The following SLIT1 variants were observed in gnomAD, a reference collection of about 807,000 sequenced individuals.
SLIT1 encodes slit guidance ligand 1, also known as slit homolog 1 protein.
Under a neutral mutation model 186.1 loss-of-function variants are expected in SLIT1, and 66 were observed. The ratio of observed to expected loss-of-function variants is 0.35; its 90% CI spans 0.29 to 0.44. SLIT1 has a LOEUF of 0.44. Among genes scored for constraint, SLIT1 ranks in the 20% least tolerant of loss-of-function variants. The pLI, the probability that SLIT1 is intolerant of heterozygous loss-of-function variation, is 1.00. For missense variants in SLIT1, 1,638 were observed against 2,037.4 expected, an observed-to-expected ratio of 0.80 and a Z score of 3.77; for synonymous variants, 761 against 833.8, an observed-to-expected ratio of 0.91 and a Z score of 1.50.
At position 97,002,862 on chromosome 10, in the gene SLIT1, C is replaced by T; in HGVS notation, c.3996G>A (p.Lys1332=). Residue 1332 remains lysine (K), a synonymous_variant, in exon 35 of 37, where the codon AAG becomes AAA. Coordinates refer to ENST00000266058, the MANE Select transcript of SLIT1 (RefSeq NM_003061.3). ...ELQDFTKTQM[K]PGVVPGCEPC... is the part of the protein sequence containing the mutation. ...GTTCGCAGCCTGGCACCACGCCTGG[C>T]TTCATCTGCGTCTTGGTGAAGTCCT... is the stretch of plus-strand genomic sequence containing the variant. 1 of 1,614,222 alleles carries T rather than the reference C, an allele frequency of 6.2e-7. No individual in the cohort carries two copies. Among genetic ancestry groups the T allele is most frequent in the Non-Finnish European group, 8.5e-7 (1 of 1,180,030 alleles).
At chr10:97,109,333 C>T (rs1176060863) in intron 4 of SLIT1, among the ~76,000 whole-genome samples, 5 of 152,128 alleles carry the variant, frequency 3.3e-5, no homozygotes, top group African/African-American at 7.2e-5. Flanking sequence ...TAATGATGCC[C>T]GCACTCCTAT....
intron 13 of SLIT1, among the ~76,000 whole-genome samples, chr10:97,054,313 G>A (rs549797485): frequency 1.1e-4 from 16 of 151,122 alleles, no homozygotes; most frequent in Admixed American, 3.3e-4. Flanking sequence ...CCCTTGCTTC[G>A]CCTTCTGCCA....
Position 97,064,230 on chromosome 10 carries a change from G to A in SLIT1, c.567C>T (p.Asn189=). ...ALRGLEVLTL[N]NNNITTIPVS... is the part of the protein sequence containing the mutation. ...CGGGGATGGTGGTGATATTGTTGTT[G>A]TTCAGGGTCCTAAATGGGAAAAACC... Residue 189 remains asparagine, a synonymous_variant, in exon 7 of 37, where the codon AAC becomes AAT. Transcript: ENST00000266058. 1.2e-6 allele frequency: 2 copies of A among 1,613,726 alleles called. No individual in the cohort carries two copies. Among genetic ancestry groups the A allele is most frequent in the Non-Finnish European group, 1.7e-6 (2 of 1,179,840 alleles).
chr10:97,152,630 C>T (rs1021472811), intron 4 of SLIT1, among the ~76,000 whole-genome samples: 3 of 152,258 alleles, frequency 2.0e-5, no homozygotes, highest in South Asian at 2.1e-4. Flanking sequence ...GCATTTGCTT[C>T]ACCTCAGACT....
chr10:97,033,194 G>A (rs1848607572), intron 23 of SLIT1, among the ~76,000 whole-genome samples: 1 of 152,068 alleles, frequency 6.6e-6, no homozygotes, highest in East Asian at 1.9e-4. Context: ...GACCACAGAT[G>A]TGCACCACCA....
intron 4 of SLIT1, among the ~76,000 whole-genome samples, chr10:97,100,273 A>G (rs1026034126): frequency 6.6e-6 from 1 of 152,226 alleles, no homozygotes; most frequent in Non-Finnish European, 1.5e-5. Flanking sequence ...GGGAAGGCAC[A>G]GCAGGAGTGG....
chr10:97,178,747 A>G (rs1235989270), intron 1 of SLIT1, among the ~76,000 whole-genome samples: 1 of 151,670 alleles, frequency 6.6e-6, no homozygotes, highest in African/African-American at 2.4e-5. Context: ...CAGAAAAAAA[A>G]TTACCTATGA....
intron 28 of SLIT1, among the ~76,000 whole-genome samples, chr10:97,015,536 T>G (rs559481104): frequency 5.3e-5 from 8 of 152,182 alleles, no homozygotes; most frequent in Non-Finnish European, 1.2e-4. Context: ...AGCATTTATA[T>G]CTATAAAAAC....
chr10:97,149,057 C>T (rs1444428477), intron 4 of SLIT1, among the ~76,000 whole-genome samples: 1 of 152,186 alleles, frequency 6.6e-6, no homozygotes, highest in Non-Finnish European at 1.5e-5. Flanking sequence ...CCCCCGTGGC[C>T]CTCCTTCAGG....
chr10:97,001,047 C>T lies in SLIT1; in HGVS notation c.*65G>A. On this transcript the variant is annotated 3_prime_UTR_variant, in exon 37 of 37. Transcript: ENST00000266058. ...TGCACCCCAGCCCAGCTGCTGGCGA[C>T]TGTCTCCGCTGCTGCAGCGGCTGGG... 1 of 1,345,882 alleles carries T rather than the reference C, an allele frequency of 7.4e-7. No homozygotes were observed. The highest frequency in any genetic ancestry group is 1.2e-5 in the South Asian group (1 of 81,160). 83.4% of individuals were successfully genotyped at this position (1,345,882 alleles called of 1,614,324 possible).
At chr10:97,056,548 C>A in intron 12 of SLIT1, 84 bp from the exon 13 acceptor site, 2 of 1,422,630 alleles carry the variant, frequency 1.4e-6, no homozygotes, top group Non-Finnish European at 2.0e-6. Flanking sequence ...TCTTCAGTCC[C>A]GGCCTGCGTT....
intron 4 of SLIT1, among the ~76,000 whole-genome samples, chr10:97,071,439 A>T (rs925063152): frequency 1.1e-4 from 16 of 152,202 alleles, no homozygotes; most frequent in African/African-American, 3.9e-4. Context: ...TCCATTCATT[A>T]TTCCATTTAA....
At chr10:97,143,065 C>G (rs1849781959) in intron 4 of SLIT1, among the ~76,000 whole-genome samples, 1 of 152,178 alleles carries the variant, frequency 6.6e-6, no homozygotes, top group African/African-American at 2.4e-5. Context: ...CTATGGAAAG[C>G]AGTATGACAC....
chr10:97,158,036 C>T lies in SLIT1; in HGVS notation c.342-147G>A. ...TGTGGCATCCCAGGGAAATTACCTT[C>T]TCTGGGCCTCAGTTCTTCATCTGTA... is the stretch of plus-strand genomic sequence containing the variant. On this transcript the variant is annotated intron_variant, in intron 3 of 36. Transcript: ENST00000266058. The T allele has an allele frequency of 4.4e-6, 3 of 676,038 alleles. No individual in the cohort carries two copies. In the South Asian group the frequency reaches 5.1e-5, roughly 12 times the overall value. 41.9% of individuals were successfully genotyped at this position (676,038 alleles called of 1,614,324 possible).
chr10:97,069,084 G>A (rs1368791458), intron 4 of SLIT1, among the ~76,000 whole-genome samples: 1 of 152,228 alleles, frequency 6.6e-6, no homozygotes, highest in African/African-American at 2.4e-5. Context: ...TTGTGGACTT[G>A]TTCTCTCCAT....
At chr10:97,181,308 G>A (rs1440874904) in intron 1 of SLIT1, among the ~76,000 whole-genome samples, 1 of 152,250 alleles carries the variant, frequency 6.6e-6, no homozygotes, top group Non-Finnish European at 1.5e-5. Context: ...AGATGTGGCT[G>A]CAGTGGCCCC....
chr10:97,108,483 T>C (rs1849434598), intron 4 of SLIT1, among the ~76,000 whole-genome samples: 1 of 152,156 alleles, frequency 6.6e-6, no homozygotes, highest in African/African-American at 2.4e-5. Flanking sequence ...CCAGGCTCCG[T>C]GTGTCTGCAG....
At chr10:97,015,678 C>T (rs1030930293) in intron 28 of SLIT1, among the ~76,000 whole-genome samples, 67 of 152,156 alleles carry the variant, frequency 4.4e-4, no homozygotes, top group African/African-American at 1.6e-3. Flanking sequence ...ATAAAATTTT[C>T]CTTCTATGTG....
At chr10:97,039,943 G>A (rs373115469) in intron 21 of SLIT1, 45 bp downstream of exon 21, 56 of 1,605,774 alleles carry the variant, frequency 3.5e-5, no homozygotes, top group African/African-American at 1.9e-4. Flanking sequence ...CACTGTCCCC[G>A]TCCTGTGGAC....
Sources: gnomAD v4.1 joint callset for allele counts (sites outside exome capture counted in the v4.1 genomes callset) on GRCh38, gnomAD v4.1.1 for gene constraint, MANE v1.5 for transcripts, NCBI Gene and HGNC (gene_info 2026-07-23, HGNC 2026-07-21) for gene names.